Variants in RAB3B observed in about 807,000 individuals in gnomAD.
RAB3B encodes the protein ras-related protein Rab-3B.
RAB3B carries 11 observed loss-of-function variants against 20.5 expected under a neutral mutation model. That is an observed-to-expected ratio of 0.54 (90% CI 0.34 to 0.89). The LOEUF (loss-of-function observed/expected upper bound fraction) is 0.89. Ranked by LOEUF, RAB3B falls within the 40% of genes least tolerant of loss-of-function variation. The pLI, the probability that RAB3B is intolerant of heterozygous loss-of-function variation, is 0.02. For missense variants in RAB3B, 225 were observed against 280.9 expected (o/e 0.80, Z 1.42); for synonymous variants, 99 against 106.3 (o/e 0.93, Z 0.42).
intron 1 of RAB3B, among the ~76,000 whole-genome samples, chr1:51,986,840 C>T (rs991308735): frequency 2.0e-4 from 31 of 152,216 alleles, no homozygotes; most frequent in Non-Finnish European, 3.5e-4. Flanking sequence ...CCAGGGGCTA[C>T]TCAGACATTT....
chr1:51,917,337 T>C lies in RAB3B; in HGVS notation c.*2590A>G, dbSNP rs1447351708. ...TGAAAAAAAAGAGACACCGAGTTAT[T>C]AGTGCCAAAAGAGACCTTAAAGATC... On this transcript the variant is annotated 3_prime_UTR_variant, in exon 5 of 5. Transcript: ENST00000371655. The C allele has an allele frequency of 6.6e-6, 1 of 152,114 alleles. No individual in the cohort carries two copies. The highest frequency in any genetic ancestry group is 1.5e-5 in the Non-Finnish European group (1 of 68,022). The allele number at this position is 152,114 out of a possible 1,614,324, so 9.4% of individuals were successfully genotyped here.
chr1:51,928,442 C>T (rs1354240838), intron 4 of RAB3B, among the ~76,000 whole-genome samples: 3 of 152,158 alleles, frequency 2.0e-5, no homozygotes, highest in African/African-American at 7.2e-5. Context: ...TTGGCCATAT[C>T]AATAGTCTTG....
intron 2 of RAB3B, among the ~76,000 whole-genome samples, chr1:51,966,484 G>C (rs1397698915): frequency 1.3e-5 from 2 of 152,198 alleles, no homozygotes; most frequent in Non-Finnish European, 2.9e-5. Flanking sequence ...TTGGATGGAA[G>C]GAAAGGGGGT....
In RAB3B at chr1:51,919,991, C is replaced by T. The variant is rs1363850000; in HGVS notation, c.596G>A (p.Gly199Asp). ...DSLDTDPSML[G>D]SSKNTRLSDT... ...CGAGAGACGCGTGTTCTTGGAGGAG[C>T]CCAGCATCGACGGGTCTGTGTCCAG... Residue 199 changes from glycine (G) to aspartate (D), a missense_variant, in exon 5 of 5, where the codon GGC (glycine) becomes GAC (aspartate). Physicochemically the swap from Gly to Asp is moderately conservative, Grantham distance 94. Coordinates refer to ENST00000371655, the MANE Select transcript of RAB3B (RefSeq NM_002867.4). 1 of 1,613,952 alleles carries T rather than the reference C, an allele frequency of 6.2e-7. No individual in the cohort carries two copies. The highest frequency in any genetic ancestry group is 1.3e-5 in the African/African-American group (1 of 74,908).
chr1:51,948,852 T>C (rs1488105951), intron 2 of RAB3B, among the ~76,000 whole-genome samples: 2 of 152,234 alleles, frequency 1.3e-5, no homozygotes, highest in Non-Finnish European at 2.9e-5. Flanking sequence ...GAACAGGATG[T>C]CTGGTTTTGC....
intron 2 of RAB3B, among the ~76,000 whole-genome samples, chr1:51,974,999 A>G (rs575204751): frequency 6.6e-6 from 1 of 152,346 alleles, no homozygotes; most frequent in African/African-American, 2.4e-5. Flanking sequence ...GGATCACCTG[A>G]GGTCAGGAGT....
chr1:51,937,996 C>CTTTTTTTT (rs77664152), intron 2 of RAB3B, among the ~76,000 whole-genome samples: 1 of 88,750 alleles, frequency 1.1e-5, no homozygotes, highest in Non-Finnish European at 2.3e-5. Flanking sequence ...ATTTTTGTTT[C>CTTTTTTTT]TTTTTTTTTT....
chr1:51,969,875 T>G (rs1052433201), intron 2 of RAB3B, among the ~76,000 whole-genome samples: 3 of 152,050 alleles, frequency 2.0e-5, no homozygotes, highest in African/African-American at 7.2e-5. Flanking sequence ...CACTTACTGC[T>G]GGGTGCTGGT....
intron 1 of RAB3B, among the ~76,000 whole-genome samples, chr1:51,987,134 C>T (rs1685162389): frequency 6.6e-6 from 1 of 152,034 alleles, no homozygotes; most frequent in African/African-American, 2.4e-5. Flanking sequence ...GTCTGATAGG[C>T]GGCAGAAATA....
chr1:51,961,320 T>A (rs1214929689), intron 2 of RAB3B, among the ~76,000 whole-genome samples: 2 of 152,194 alleles, frequency 1.3e-5, no homozygotes, highest in Non-Finnish European at 2.9e-5. Context: ...TAAAAGGTGA[T>A]AGTTTGCAAC....
intron 2 of RAB3B, among the ~76,000 whole-genome samples, chr1:51,969,925 C>T (rs1477543086): frequency 6.6e-6 from 1 of 151,974 alleles, no homozygotes; most frequent in Non-Finnish European, 1.5e-5. Context: ...TTTATTCAGG[C>T]ATGGCATAGC....
chr1:51,927,664 G>A (rs1684262120), intron 4 of RAB3B, among the ~76,000 whole-genome samples: 1 of 152,184 alleles, frequency 6.6e-6, no homozygotes, highest in Admixed American at 6.5e-5. Context: ...GGGCATGGTG[G>A]TGCATGCCTG....
At chr1:51,955,900 C>A (rs547659037) in intron 2 of RAB3B, among the ~76,000 whole-genome samples, 4 of 152,148 alleles carry the variant, frequency 2.6e-5, no homozygotes, top group South Asian at 4.1e-4. Flanking sequence ...GCAGACGAGT[C>A]CCCTGAGGAT....
At chr1:51,949,012 C>G (rs907556577) in intron 2 of RAB3B, among the ~76,000 whole-genome samples, 1 of 152,178 alleles carries the variant, frequency 6.6e-6, no homozygotes, top group East Asian at 1.9e-4. Context: ...TTGGAAAAAT[C>G]CAAACCTTCC....
At chr1:51,948,848 GA>G (rs1236523518) in intron 2 of RAB3B, among the ~76,000 whole-genome samples, 2 of 152,164 alleles carry the variant, frequency 1.3e-5, no homozygotes, top group Non-Finnish European at 2.9e-5. Flanking sequence ...ACAAGAACAG[GA>G]TGTCTGGTTT....
chr1:51,933,115 A>T (rs992750423), intron 4 of RAB3B, among the ~76,000 whole-genome samples: 1 of 152,258 alleles, frequency 6.6e-6, no homozygotes, highest in East Asian at 1.9e-4. Context: ...CATATCAAAA[A>T]TGATGAATTA....
intron 1 of RAB3B, among the ~76,000 whole-genome samples, chr1:51,990,274 C>T (rs1343311212): frequency 8.9e-6 from 1 of 112,862 alleles, no homozygotes; most frequent in Non-Finnish European, 1.8e-5. Flanking sequence ...CTCCAGTTGC[C>T]CCCCATCTCT....
intron 4 of RAB3B, among the ~76,000 whole-genome samples, chr1:51,927,340 ACAGAGACC>A (rs1170834164): frequency 6.6e-6 from 1 of 152,246 alleles, no homozygotes; most frequent in Non-Finnish European, 1.5e-5. Flanking sequence ...ATAGGTAAAT[ACAGAGACC>A]CAGAGACAGC....
At position 51,909,834 on chromosome 1, in the gene RAB3B, G is replaced by T. The variant is rs1034479444; in HGVS notation, c.*10093C>A. On this transcript the variant is annotated 3_prime_UTR_variant, in exon 5 of 5. Coordinates refer to ENST00000371655, the MANE Select transcript of RAB3B (RefSeq NM_002867.4). ...TTTACACTGGCTTTCTCCAGTCTCT[G>T]GTTCTCAGTCCCCTTACAAAGATCC... The T allele has an allele frequency of 2.0e-5, 3 of 152,192 alleles. No homozygotes were observed. The highest frequency in any genetic ancestry group is 7.2e-5 in the African/African-American group (3 of 41,398). 9.4% of individuals were successfully genotyped at this position (152,192 alleles called of 1,614,324 possible).
Sources: gnomAD v4.1 joint callset for allele counts (sites outside exome capture counted in the v4.1 genomes callset) on GRCh38, gnomAD v4.1.1 for gene constraint, MANE v1.5 for transcripts, NCBI Gene and HGNC (gene_info 2026-07-23, HGNC 2026-07-21) for gene names.